DCLK1: variants seen among roughly 807,000 people sequenced by gnomAD.
DCLK1 encodes the protein serine/threonine-protein kinase DCLK1.
A neutral mutation model predicts 86.2 loss-of-function variants in DCLK1; 16 were observed. The ratio of observed to expected loss-of-function variants is 0.19; its 90% CI spans 0.13 to 0.28. DCLK1 has a LOEUF of 0.28. Ranked by LOEUF, DCLK1 falls within the 10% of genes least tolerant of loss-of-function variation. The pLI is 1.00. For synonymous variants in DCLK1, 369 were observed against 370.5 expected (o/e 1.00, Z 0.05); for missense variants, 590 against 940.2 (o/e 0.63, Z 4.87).
intron 4 of DCLK1, among the ~76,000 whole-genome samples, chr13:35,911,404 T>C (rs1228675859): frequency 1.3e-5 from 2 of 152,086 alleles, no homozygotes; most frequent in Non-Finnish European, 2.9e-5. Flanking sequence ...CAGGGATATT[T>C]GTCTGCCCAC....
intron 3 of DCLK1, among the ~76,000 whole-genome samples, chr13:36,053,378 C>T (rs75495534): frequency 2.0e-5 from 3 of 151,990 alleles, no homozygotes; most frequent in Admixed American, 6.6e-5. Context: ...AAGGGCTCAG[C>T]GGATGCAGAG....
chr13:36,119,780 C>T (rs1027861840), intron 2 of DCLK1, among the ~76,000 whole-genome samples: 17 of 152,144 alleles, frequency 1.1e-4, no homozygotes, highest in Non-Finnish European at 1.5e-5. Context: ...GACACAACAA[C>T]TAAATGCAAT....
At chr13:35,967,942 A>C (rs542299013) in intron 3 of DCLK1, among the ~76,000 whole-genome samples, 4 of 152,246 alleles carry the variant, frequency 2.6e-5, no homozygotes, top group African/African-American at 9.6e-5. Context: ...AATCACTTGA[A>C]TCTGGGAGAC....
At chr13:35,981,125 G>A (rs1227883683) in intron 3 of DCLK1, among the ~76,000 whole-genome samples, 1 of 152,082 alleles carries the variant, frequency 6.6e-6, no homozygotes, top group African/African-American at 2.4e-5. Flanking sequence ...ATTTCATAAT[G>A]CTATAAGGTT....
chr13:35,932,583 A>G (rs1275441225), intron 4 of DCLK1, among the ~76,000 whole-genome samples: 10 of 152,206 alleles, frequency 6.6e-5, no homozygotes, highest in African/African-American at 2.4e-4. Flanking sequence ...AACGTCTTAT[A>G]TGGATGGCAG....
At chr13:35,793,021 T>C (rs1284984785) in intron 16 of DCLK1, among the ~76,000 whole-genome samples, 1 of 152,210 alleles carries the variant, frequency 6.6e-6, no homozygotes, top group Admixed American at 6.5e-5. Context: ...TTCTAGGTCC[T>C]AGCAAAAGGA....
chr13:36,104,806 G>A (rs1340409951), intron 3 of DCLK1, among the ~76,000 whole-genome samples: 2 of 151,966 alleles, frequency 1.3e-5, no homozygotes, highest in Non-Finnish European at 2.9e-5. Context: ...CAATAAATGG[G>A]ATGATAAAAA....
At chr13:35,925,197 A>G (rs1876041236) in intron 4 of DCLK1, among the ~76,000 whole-genome samples, 1 of 152,290 alleles carries the variant, frequency 6.6e-6, no homozygotes, top group East Asian at 1.9e-4. Context: ...TTGGAAACCT[A>G]TTGGGCAGAG....
chr13:35,835,110 T>A (rs923277185), intron 8 of DCLK1, among the ~76,000 whole-genome samples: 2 of 152,068 alleles, frequency 1.3e-5, no homozygotes, highest in African/African-American at 4.8e-5. Flanking sequence ...GCCAAAGCCT[T>A]CTCATCTGTC....
intron 5 of DCLK1, among the ~76,000 whole-genome samples, chr13:35,859,556 C>T (rs1304192357): frequency 6.6e-6 from 1 of 152,166 alleles, no homozygotes; most frequent in Non-Finnish European, 1.5e-5. Flanking sequence ...TCACCTAAGC[C>T]TGTCAGGGAT....
At chr13:35,793,849 T>C (rs2086752935) in intron 15 of DCLK1, among the ~76,000 whole-genome samples, 1 of 152,214 alleles carries the variant, frequency 6.6e-6, no homozygotes, top group Non-Finnish European at 1.5e-5. Flanking sequence ...CATCTTCTTT[T>C]TAATTTTTTT....
chr13:35,933,814 A>G (rs1033701559), intron 4 of DCLK1, among the ~76,000 whole-genome samples: 2 of 152,050 alleles, frequency 1.3e-5, no homozygotes, highest in African/African-American at 4.8e-5. Flanking sequence ...CATTTTCCCC[A>G]TTGTCTTGGG....
At chr13:36,009,075 GT>G (rs1202757707) in intron 3 of DCLK1, among the ~76,000 whole-genome samples, 97 of 85,766 alleles carry the variant, frequency 1.1e-3, no homozygotes, top group African/African-American at 4.9e-3. Context: ...GGGGTTGTTT[GT>G]TTTTTTCTTG....
intron 15 of DCLK1, among the ~76,000 whole-genome samples, chr13:35,804,030 A>G (rs562841978): frequency 2.0e-5 from 3 of 152,370 alleles, no homozygotes; most frequent in Admixed American, 6.5e-5. Flanking sequence ...GAAGAACACA[A>G]TAAGTACAAA....
At chr13:35,825,940 G>C (rs1428002364) in intron 10 of DCLK1, among the ~76,000 whole-genome samples, 2 of 151,798 alleles carry the variant, frequency 1.3e-5, no homozygotes, top group Non-Finnish European at 2.9e-5. Context: ...AGCCTCCCAA[G>C]TAGCTGGGAT....
At position 35,774,547 on chromosome 13, in the gene DCLK1, G is replaced by A; in HGVS notation, c.2211C>T (p.Asn737=). Residue 737 remains asparagine, a synonymous_variant, in exon 17 of 17, where the codon AAC becomes AAT. Transcript: ENST00000360631. ...PSSSETVRSP[N]SPF ...TAAAAGGGTCTTATTAAAAGGGCGA[G>A]TTAGGGGAGCGAACAGTCTCGGAGG... The A allele has an allele frequency of 1.9e-6, 3 of 1,553,846 alleles. No individual in the cohort carries two copies. The highest frequency in any genetic ancestry group is 2.6e-6 in the Non-Finnish European group (3 of 1,147,872).
chr13:35,910,899 T>C (rs955192192), intron 4 of DCLK1, among the ~76,000 whole-genome samples: 1 of 152,132 alleles, frequency 6.6e-6, no homozygotes. Context: ...AATTGGCCGA[T>C]TGAGGGATGT....
intron 3 of DCLK1, among the ~76,000 whole-genome samples, chr13:35,989,727 T>TTTC (rs56266372): frequency 6.6e-6 from 1 of 150,516 alleles, no homozygotes; most frequent in Non-Finnish European, 1.5e-5. Flanking sequence ...TTTTTTTTTT[T>TTTC]CCTTTAAGAG....
chr13:35,854,056 G>C (rs933224429), intron 6 of DCLK1, among the ~76,000 whole-genome samples: 1 of 152,134 alleles, frequency 6.6e-6, no homozygotes, highest in Non-Finnish European at 1.5e-5. Flanking sequence ...ACGTGTCATA[G>C]GTTCCCATCC....
Sources: gnomAD v4.1 joint callset for allele counts (sites outside exome capture counted in the v4.1 genomes callset) on GRCh38, gnomAD v4.1.1 for gene constraint, MANE v1.5 for transcripts, NCBI Gene and HGNC (gene_info 2026-07-23, HGNC 2026-07-21) for gene names.